SYT13: variants seen among roughly 807,000 people sequenced by gnomAD.
SYT13 encodes the protein synaptotagmin 13, also known as synaptotagmin-13.
A neutral mutation model predicts 38.6 loss-of-function variants in SYT13; 21 were observed. The ratio of observed to expected loss-of-function variants is 0.54; its 90% CI spans 0.39 to 0.78. SYT13 has a LOEUF of 0.78. Ranked by LOEUF, SYT13 falls within the 30% of genes least tolerant of loss-of-function variation. The pLI, the probability that SYT13 is intolerant of heterozygous loss-of-function variation, is 0.00. For synonymous variants in SYT13, 241 were observed against 237.6 expected, an observed-to-expected ratio of 1.01 and a Z score of -0.13; for missense variants, 495 against 548.7, an observed-to-expected ratio of 0.90 and a Z score of 0.98.
intron 1 of SYT13, among the ~76,000 whole-genome samples, chr11:45,259,176 C>G (rs572997088): frequency 1.3e-5 from 2 of 152,154 alleles, no homozygotes; most frequent in African/African-American, 4.8e-5. Flanking sequence ...TCCCATTCAT[C>G]GGCACAAAAG....
chr11:45,257,723 G>C (rs1854766132), intron 1 of SYT13, among the ~76,000 whole-genome samples: 1 of 152,210 alleles, frequency 6.6e-6, no homozygotes, highest in Non-Finnish European at 1.5e-5. Flanking sequence ...AAGGAGACCG[G>C]ACCTAGGTGA....
intron 1 of SYT13, among the ~76,000 whole-genome samples, chr11:45,261,640 C>T (rs1207429817): frequency 1.3e-5 from 2 of 149,806 alleles, no homozygotes; most frequent in Non-Finnish European, 3.0e-5. Flanking sequence ...AAATAGCCAG[C>T]CACGGTGACT....
rs1014628126 is a variant in SYT13 at position 45,244,270 on chromosome 11, C to T, written c.1063G>A (p.Val355Met). ...TKRAKHKINP[V>M]WNEMIMFELP... ...TCAAACATGATCATCTCGTTCCACA[C>T]GGGGTTGATCTTGTGCTTAGCTCGT... The change falls in exon 6 of 6, where the codon GTG (valine) becomes ATG (methionine). Residue 355 changes from valine to methionine, a missense_variant. Coordinates refer to ENST00000020926, the MANE Select transcript of SYT13 (RefSeq NM_020826.3). 4 of 1,614,058 alleles carry T rather than the reference C, an allele frequency of 2.5e-6. No individual in the cohort carries two copies. The highest frequency in any genetic ancestry group is 1.7e-5 in the Admixed American group (1 of 60,026).
In SYT13 at chr11:45,286,220, C is replaced by T. The variant is rs746875984; in HGVS notation, c.-13G>A. 5.9e-6 allele frequency: 9 copies of T among 1,532,870 alleles called. No homozygotes were observed. In the African/African-American group the frequency reaches 1.1e-4, roughly 19 times the overall value. The allele number at this position is 1,532,870 out of a possible 1,614,324, so 95.0% of individuals were successfully genotyped here. On this transcript the variant is annotated 5_prime_UTR_variant, in exon 1 of 6. Transcript: ENST00000020926. The stretch of plus-strand genomic sequence containing the variant: ...CCGACAGCACCATGGTGCCCGCTCC[C>T]GGCGAGGGGCTGGGTCCCGCAGCCG...
chr11:45,263,157 G>A (rs1048387396), intron 1 of SYT13, among the ~76,000 whole-genome samples: 1 of 152,140 alleles, frequency 6.6e-6, no homozygotes, highest in African/African-American at 2.4e-5. Context: ...ATGGCACGGG[G>A]GGTGGAACCT....
In SYT13 at chr11:45,263,414, G is replaced by A. The variant is rs996131989; in HGVS notation, c.184-7523C>T. ...CCTTAGGGCTGTTTATTAATTTGGG[G>A]TTTCATGCTGGGACATCCCTCTTAC... On this transcript the variant is annotated intron_variant, in intron 1 of 5. Coordinates refer to ENST00000020926, the MANE Select transcript of SYT13 (RefSeq NM_020826.3). Among the ~76,000 whole-genome samples, 6 of 152,304 alleles carry A rather than the reference G, an allele frequency of 3.9e-5. No homozygotes were observed. In the East Asian group the frequency reaches 7.7e-4, roughly 20 times the overall value.
At chr11:45,246,319 C>T in intron 5 of SYT13, 64 bp downstream of exon 5, 1 of 1,584,686 alleles carries the variant, frequency 6.3e-7, no homozygotes, top group Non-Finnish European at 8.6e-7. Context: ...CCAGGCACCA[C>T]CTCCCTCAGC....
intron 2 of SYT13, chr11:45,254,609 A>C: frequency 1.9e-6 from 1 of 521,540 alleles, no homozygotes; most frequent in Non-Finnish European, 3.2e-6. Context: ...TGGCTCCCTC[A>C]TCAACCACAC....
intron 1 of SYT13, among the ~76,000 whole-genome samples, chr11:45,270,195 G>T (rs747344795): frequency 2.0e-5 from 3 of 152,108 alleles, no homozygotes; most frequent in Non-Finnish European, 4.4e-5. Flanking sequence ...CATTTTTCCT[G>T]TTAAACTGAG....
At chr11:45,261,607 GAAAAGAAAAC>G (rs1209621296) in intron 1 of SYT13, among the ~76,000 whole-genome samples, 2 of 119,632 alleles carry the variant, frequency 1.7e-5, no homozygotes, top group Non-Finnish European at 3.6e-5. Context: ...AAAAAAAAAA[GAAAAGAAAAC>G]AAAAGGAAAG....
At chr11:45,251,132 G>A (rs1854668803) in intron 4 of SYT13, among the ~76,000 whole-genome samples, 1 of 152,038 alleles carries the variant, frequency 6.6e-6, no homozygotes, top group Non-Finnish European at 1.5e-5. Flanking sequence ...ACTCATGCCT[G>A]TAATCCCAGG....
intron 1 of SYT13, among the ~76,000 whole-genome samples, chr11:45,276,712 TAAAA>T (rs202057732): frequency 6.9e-5 from 9 of 131,336 alleles, no homozygotes; most frequent in African/African-American, 2.4e-4. Flanking sequence ...GATGACTTTT[TAAAA>T]AAAAAAAATA....
intron 3 of SYT13, chr11:45,253,994 A>T (rs1229114782): frequency 1.1e-5 from 3 of 285,328 alleles, no homozygotes; most frequent in Non-Finnish European, 1.9e-5. Flanking sequence ...ACAAATGACA[A>T]GGAGAGGGGG....
chr11:45,252,862 C>G lies in SYT13; in HGVS notation c.545-140G>C. ...CAGAAAGGCTGACCACCCTGGGCAC[C>G]AGGGAATCGCCTTTCAGTGAGACAT... is the stretch of plus-strand genomic sequence containing the variant. On this transcript the variant is annotated intron_variant, in intron 3 of 5. Coordinates refer to ENST00000020926, the MANE Select transcript of SYT13 (RefSeq NM_020826.3). This position sits in a 1 kb window ranked among gnomAD's most constrained non-coding sequence, Gnocchi z 4.3. The G allele has an allele frequency of 2.6e-6, 2 of 777,900 alleles. No individual in the cohort carries two copies. Among genetic ancestry groups the G allele is most frequent in the Non-Finnish European group, 3.9e-6 (2 of 519,070 alleles). The allele number at this position is 777,900 out of a possible 1,614,324, so 48.2% of individuals were successfully genotyped here. A position where few individuals can be genotyped will look rare whatever the true frequency, so the allele number is the denominator to read the frequency against.
Position 45,252,655 on chromosome 11 carries a change from G to C in SYT13, c.612C>G (p.Gly204=). ...YVQGSVANRT[G]SVEAQTALKK... is the part of the protein sequence containing the mutation. ...TTAGGGCTGTCTGAGCCTCCACAGA[G>C]CCGGTCCTATTGGCCACACTCCCTT... The change falls in exon 4 of 6, where the codon GGC becomes GGG. Residue 204 remains glycine, a synonymous_variant. Transcript: ENST00000020926. The surrounding 1 kb of genome is among the most constrained non-coding windows in gnomAD (Gnocchi z 4.3). 5.0e-6 allele frequency: 8 copies of C among 1,612,584 alleles called. No individual in the cohort carries two copies. The highest frequency in any genetic ancestry group is 6.8e-6 in the Non-Finnish European group (8 of 1,178,722).
chr11:45,262,085 GAATA>G (rs1326233946), intron 1 of SYT13, among the ~76,000 whole-genome samples: 1 of 152,110 alleles, frequency 6.6e-6, no homozygotes. Flanking sequence ...ATGAACAGAT[GAATA>G]AATAAACAAA....
chr11:45,267,222 C>G (rs918580918), intron 1 of SYT13, among the ~76,000 whole-genome samples: 1 of 152,176 alleles, frequency 6.6e-6, no homozygotes, highest in African/African-American at 2.4e-5. Context: ...GAATCCCCTG[C>G]GGAACCACCA....
chr11:45,275,819 T>A (rs747658177), intron 1 of SYT13, among the ~76,000 whole-genome samples: 1 of 152,236 alleles, frequency 6.6e-6, no homozygotes, highest in Admixed American at 6.5e-5. Flanking sequence ...GGGGGAATTT[T>A]AGTGGGACCC....
intron 3 of SYT13, among the ~76,000 whole-genome samples, chr11:45,253,029 G>A (rs1854698466): frequency 6.6e-6 from 1 of 152,198 alleles, no homozygotes; most frequent in Admixed American, 6.5e-5. Context: ...GCTTGCTGCT[G>A]GGGGCCTTTA....
Sources: allele counts gnomAD v4.1 joint callset (sites outside exome capture counted in the v4.1 genomes callset), GRCh38; gene constraint gnomAD v4.1.1; non-coding constraint Gnocchi (gnomAD v3.1); transcripts MANE v1.5; gene names NCBI Gene and HGNC (gene_info 2026-07-23, HGNC 2026-07-21).